Variants in ART3 observed in about 807,000 individuals in gnomAD.
The protein encoded by ART3 is ADP-ribosyltransferase 3 (inactive), also known as ecto-ADP-ribosyltransferase 3.
A neutral mutation model predicts 48.5 loss-of-function variants in ART3; 49 were observed. The observed-to-expected ratio is 1.01, with a 90% CI of 0.80 to 1.28. ART3 has a LOEUF of 1.28. Ranked by LOEUF, ART3 falls within the 50% of genes most tolerant of loss-of-function variation. The probability of loss-of-function intolerance (pLI) is 0.00; values close to 1 mark genes in which losing one functional copy is unlikely to be tolerated. For missense variants in ART3, 438 were observed against 454.3 expected (o/e 0.96, Z 0.33); for synonymous variants, 145 against 157.2 (o/e 0.92, Z 0.58).
intron 3 of ART3, among the ~76,000 whole-genome samples, chr4:76,091,205 A>G (rs1724809352): frequency 6.6e-6 from 1 of 152,224 alleles, no homozygotes; most frequent in Non-Finnish European, 1.5e-5. Context: ...TTCTGTGAAC[A>G]TGTATATACA....
At chr4:76,107,612 CT>C (rs1396961895) in intron 10 of ART3, 148 bp from the exon 11 acceptor site, 2 of 481,308 alleles carry the variant, frequency 4.2e-6, no homozygotes, top group African/African-American at 4.1e-5. Flanking sequence ...AACCCTTCCC[CT>C]AACCCCACAC....
chr4:76,011,900 G>A (rs529570858), intron 1 of ART3, among the ~76,000 whole-genome samples: 6 of 152,318 alleles, frequency 3.9e-5, no homozygotes, highest in South Asian at 2.1e-4. Flanking sequence ...CCCATTGATC[G>A]TTGCATTTAT....
intron 2 of ART3, among the ~76,000 whole-genome samples, chr4:76,078,866 G>T (rs4859419): frequency 0.84 from 127,645 of 151,970 alleles, 53,873 homozygotes; most frequent in African/African-American, 0.86. Context: ...AGATCACGAG[G>T]TCGGGAGATC....
chr4:76,026,336 A>C (rs2149384875), intron 1 of ART3, among the ~76,000 whole-genome samples: 1 of 152,256 alleles, frequency 6.6e-6, no homozygotes, highest in Admixed American at 6.5e-5. Context: ...TCCATGCTAA[A>C]ATGTATGCCC....
intron 1 of ART3, among the ~76,000 whole-genome samples, chr4:76,025,221 A>G (rs1733269245): frequency 6.6e-6 from 1 of 152,170 alleles, no homozygotes; most frequent in Admixed American, 6.5e-5. Flanking sequence ...TTCCATACCT[A>G]TTTGTGCAGA....
At chr4:76,083,377 A>G (rs529233320) in intron 3 of ART3, among the ~76,000 whole-genome samples, 3 of 152,292 alleles carry the variant, frequency 2.0e-5, no homozygotes, top group Non-Finnish European at 4.4e-5. Flanking sequence ...GACATCATGT[A>G]TTGACTTCCT....
intron 2 of ART3, among the ~76,000 whole-genome samples, chr4:76,079,022 A>G (rs1361384536): frequency 6.6e-6 from 1 of 152,134 alleles, no homozygotes; most frequent in Non-Finnish European, 1.5e-5. Flanking sequence ...CGGAGCTTGC[A>G]GTGAGCCGAA....
intron 1 of ART3, among the ~76,000 whole-genome samples, chr4:76,066,925 A>T (rs1482390707): frequency 2.0e-5 from 3 of 151,922 alleles, no homozygotes; most frequent in Non-Finnish European, 4.4e-5. Context: ...TTGTGAGGGC[A>T]GGGGGGCCTT....
At chr4:76,068,603 C>T (rs911590547) in intron 1 of ART3, among the ~76,000 whole-genome samples, 2 of 151,600 alleles carry the variant, frequency 1.3e-5, no homozygotes, top group Non-Finnish European at 2.9e-5. Flanking sequence ...AAAGGGGGGA[C>T]CAACAGGCAG....
intron 3 of ART3, among the ~76,000 whole-genome samples, chr4:76,089,491 C>T (rs1434425052): frequency 6.6e-6 from 1 of 152,068 alleles, no homozygotes; most frequent in Non-Finnish European, 1.5e-5. Flanking sequence ...TTGCTCTGGC[C>T]ATGTAAGACG....
intron 1 of ART3, among the ~76,000 whole-genome samples, chr4:76,029,520 G>C (rs186604190): frequency 2.4e-4 from 36 of 152,144 alleles, no homozygotes; most frequent in African/African-American, 8.4e-4. Context: ...TTGCAGACAA[G>C]GCAAGAAGAA....
chr4:76,084,563 G>C (rs1276064666), intron 3 of ART3, among the ~76,000 whole-genome samples: 1 of 152,132 alleles, frequency 6.6e-6, no homozygotes, highest in Non-Finnish European at 1.5e-5. Context: ...AATCTGGAAG[G>C]TTTTAGGTTG....
chr4:76,066,383 C>T (rs1719738284), intron 1 of ART3, among the ~76,000 whole-genome samples: 1 of 152,154 alleles, frequency 6.6e-6, no homozygotes, highest in Non-Finnish European at 1.5e-5. Context: ...TAGCTCCCCT[C>T]TGTGGGCAGG....
chr4:76,076,463 A>G (rs1054028254), intron 2 of ART3, among the ~76,000 whole-genome samples: 1 of 152,208 alleles, frequency 6.6e-6, no homozygotes, highest in Non-Finnish European at 1.5e-5. Context: ...AAAATTAAGC[A>G]AAAAGAGGAA....
chr4:76,019,469 A>C (rs1732564688), intron 1 of ART3, among the ~76,000 whole-genome samples: 1 of 116,390 alleles, frequency 8.6e-6, no homozygotes, highest in East Asian at 2.5e-4. Flanking sequence ...AAAAAAATTC[A>C]ATCTGATAAA....
chr4:76,023,454 C>T (rs1733076691), intron 1 of ART3: 7 of 1,607,148 alleles, frequency 4.4e-6, no homozygotes, highest in Non-Finnish European at 6.0e-6. Flanking sequence ...GGAGGTTCCT[C>T]TGCTGTAGGC....
chr4:76,093,835 A>C (rs1237966921), intron 3 of ART3, among the ~76,000 whole-genome samples: 2 of 152,132 alleles, frequency 1.3e-5, no homozygotes, highest in South Asian at 4.1e-4. Context: ...TATATTTTCC[A>C]CGTCTCTACT....
At position 76,100,777 on chromosome 4, in the gene ART3, C is replaced by T; in HGVS notation, c.878-18C>T. On this transcript the variant is annotated intron_variant, in intron 6 of 11. Transcript: ENST00000355810. ...TTGTTCCTTCGTTAAAACTGATGAG[C>T]TTCTTTTTGTGACTCAGGTGAGAAA... The T allele has an allele frequency of 6.2e-7, 1 of 1,609,402 alleles. No individual in the cohort carries two copies. Among genetic ancestry groups the T allele is most frequent in the Middle Eastern group, 1.7e-4 (1 of 6,046 alleles).
chr4:76,031,725 G>A (rs1733886649), intron 1 of ART3, among the ~76,000 whole-genome samples: 2 of 152,006 alleles, frequency 1.3e-5, no homozygotes, highest in South Asian at 4.1e-4. Flanking sequence ...TTTTCCCTTA[G>A]TTTATATTGC....
Sources: gnomAD v4.1 joint callset for allele counts (sites outside exome capture counted in the v4.1 genomes callset) on GRCh38, gnomAD v4.1.1 for gene constraint, MANE v1.5 for transcripts, NCBI Gene and HGNC (gene_info 2026-07-23, HGNC 2026-07-21) for gene names.